Variants in ANKRD6 observed in about 807,000 individuals in gnomAD.
ANKRD6 encodes ankyrin repeat domain-containing protein 6.
A neutral mutation model predicts 82.3 loss-of-function variants in ANKRD6; 56 were observed. The ratio of observed to expected loss-of-function variants is 0.68; its 90% CI spans 0.55 to 0.85. The LOEUF (loss-of-function observed/expected upper bound fraction) is 0.85, where lower values mean the gene tolerates loss of function less well. Ranked by LOEUF, ANKRD6 falls within the 40% of genes least tolerant of loss-of-function variation. ANKRD6 has a pLI of 0.00. For missense variants in ANKRD6, 852 were observed against 907.6 expected, an observed-to-expected ratio of 0.94 and a Z score of 0.79; for synonymous variants, 347 against 352.1, an observed-to-expected ratio of 0.99 and a Z score of 0.16.
Position 89,630,494 on chromosome 6 carries a change from G to A in ANKRD6, c.1674G>A (p.Val558=). 6.2e-7 allele frequency: 1 copy of A among 1,614,012 alleles called. No homozygotes were observed. The highest frequency in any genetic ancestry group is 8.5e-7 in the Non-Finnish European group (1 of 1,179,872). ...CAGCTTCCGACAGCTCCCCTCCAGT[G>A]GTTAGGCCCAAAGAGAAGGCCCTCA... is the stretch of plus-strand genomic sequence containing the variant. ...PAAASDSSPP[V]VRPKEKALNS... is the part of the protein sequence containing the mutation. The change falls in exon 16 of 16, where the codon GTG becomes GTA. Residue 558 remains valine (V), a synonymous_variant. Transcript: ENST00000339746.
Position 89,623,907 on chromosome 6 carries a change from CCAA to C in ANKRD6, c.1071_1073del (p.Gln358del). ...TTTCTGACCCCACCCCACCAGCCGA[CCAA>C]CAGCCTGGACACCAGAAGAACCTGC... On this transcript the variant is annotated inframe_deletion, in exon 12 of 16. Coordinates refer to ENST00000339746, the MANE Select transcript of ANKRD6 (RefSeq NM_001242809.2). 1 of 1,613,818 alleles carries C rather than the reference CCAA, an allele frequency of 6.2e-7. No individual in the cohort carries two copies. The highest frequency in any genetic ancestry group is 8.5e-7 in the Non-Finnish European group (1 of 1,179,822).
intron 1 of ANKRD6, among the ~76,000 whole-genome samples, chr6:89,560,454 C>T (rs1165671153): frequency 1.3e-5 from 2 of 152,208 alleles, no homozygotes; most frequent in African/African-American, 2.4e-5. Flanking sequence ...TTTCCAAATA[C>T]AGTCACACTG....
intron 2 of ANKRD6, among the ~76,000 whole-genome samples, chr6:89,586,175 G>C (rs1028250637): frequency 2.0e-5 from 3 of 152,136 alleles, no homozygotes; most frequent in Non-Finnish European, 4.4e-5. Context: ...AGTGTGATCA[G>C]GTGGGTTCCA....
chr6:89,556,536 A>G (rs1459907517), intron 1 of ANKRD6, among the ~76,000 whole-genome samples: 2 of 152,192 alleles, frequency 1.3e-5, no homozygotes, highest in African/African-American at 4.8e-5. Flanking sequence ...TTCCATATAT[A>G]AGCTGAAACC....
chr6:89,598,321 A>G (rs571561494), intron 3 of ANKRD6: 78 of 985,262 alleles, frequency 7.9e-5, no homozygotes, highest in Non-Finnish European at 9.3e-5. Context: ...CGCCTCAGAA[A>G]TAGTCCAGGA....
chr6:89,563,368 A>C (rs1460677571), intron 1 of ANKRD6, among the ~76,000 whole-genome samples: 1 of 152,198 alleles, frequency 6.6e-6, no homozygotes, highest in Admixed American at 6.5e-5. Context: ...TTGCATACTT[A>C]TGCTCATGTG....
chr6:89,596,631 AT>A (rs1454407777), intron 3 of ANKRD6, among the ~76,000 whole-genome samples: 1 of 152,136 alleles, frequency 6.6e-6, no homozygotes, highest in African/African-American at 2.4e-5. Context: ...GAGTCTATTC[AT>A]TCAGGTTATC....
At chr6:89,473,938 G>A (rs1775761081) in intron 1 of ANKRD6, among the ~76,000 whole-genome samples, 1 of 152,158 alleles carries the variant, frequency 6.6e-6, no homozygotes, top group South Asian at 2.1e-4. Flanking sequence ...CCAAGATCGT[G>A]CCACTGCACT....
At chr6:89,586,109 T>A (rs765466874) in intron 2 of ANKRD6, among the ~76,000 whole-genome samples, 16 of 152,354 alleles carry the variant, frequency 1.1e-4, no homozygotes, top group Non-Finnish European at 2.4e-4. Flanking sequence ...TGTTGATTTT[T>A]AAAATTCTTT....
chr6:89,494,833 T>C (rs1169716489), intron 1 of ANKRD6, among the ~76,000 whole-genome samples: 2 of 152,228 alleles, frequency 1.3e-5, no homozygotes, highest in Non-Finnish European at 2.9e-5. Context: ...CAAGGACTGA[T>C]GTTAGGAAAC....
intron 1 of ANKRD6, among the ~76,000 whole-genome samples, chr6:89,547,101 C>T (rs1785192132): frequency 6.6e-6 from 1 of 152,142 alleles, no homozygotes; most frequent in South Asian, 2.1e-4. Flanking sequence ...GCTGGGATTA[C>T]AGGTGCATAC....
intron 1 of ANKRD6, among the ~76,000 whole-genome samples, chr6:89,563,601 G>A (rs999877812): frequency 1.9e-4 from 29 of 152,296 alleles, no homozygotes; most frequent in African/African-American, 7.0e-4. Context: ...TACAGCCAAG[G>A]TAGCCAACAG....
At chr6:89,595,261 G>A (rs572100127) in intron 2 of ANKRD6, among the ~76,000 whole-genome samples, 25 of 152,304 alleles carry the variant, frequency 1.6e-4, no homozygotes, top group Middle Eastern at 3.4e-3. Flanking sequence ...TACTCGGGAG[G>A]CTGAGGCAGG....
intron 1 of ANKRD6, among the ~76,000 whole-genome samples, chr6:89,540,417 T>C (rs1244657768): frequency 6.6e-6 from 1 of 152,234 alleles, no homozygotes; most frequent in Non-Finnish European, 1.5e-5. Context: ...GTCATTTGTA[T>C]GTCTTCTTTT....
chr6:89,515,413 A>C (rs1329630174), intron 1 of ANKRD6, among the ~76,000 whole-genome samples: 1 of 152,166 alleles, frequency 6.6e-6, no homozygotes, highest in African/African-American at 2.4e-5. Context: ...TCTTGCAAGG[A>C]CTTGGGTCTT....
intron 1 of ANKRD6, among the ~76,000 whole-genome samples, chr6:89,536,458 A>G (rs1450122705): frequency 6.6e-6 from 1 of 152,242 alleles, no homozygotes; most frequent in Non-Finnish European, 1.5e-5. Context: ...GTGTGCTGCC[A>G]TGAACTCAAC....
chr6:89,497,953 A>G (rs1778831955), intron 1 of ANKRD6, among the ~76,000 whole-genome samples: 1 of 152,232 alleles, frequency 6.6e-6, no homozygotes, highest in African/African-American at 2.4e-5. Flanking sequence ...GACATTACAT[A>G]TAAATAGAAT....
chr6:89,529,776 T>C (rs981716046), intron 1 of ANKRD6, among the ~76,000 whole-genome samples: 2 of 152,076 alleles, frequency 1.3e-5, no homozygotes, highest in African/African-American at 4.8e-5. Context: ...TCTCAGCAAA[T>C]AGGGAGGCCC....
At chr6:89,603,390 G>A (rs1434421507) in intron 4 of ANKRD6, among the ~76,000 whole-genome samples, 1 of 138,132 alleles carries the variant, frequency 7.2e-6, no homozygotes, top group African/African-American at 2.8e-5. Flanking sequence ...GCAATGGCAT[G>A]ATCATAGCTC....
Sources: allele counts gnomAD v4.1 joint callset (sites outside exome capture counted in the v4.1 genomes callset), GRCh38; gene constraint gnomAD v4.1.1; transcripts MANE v1.5; gene names NCBI Gene and HGNC (gene_info 2026-07-23, HGNC 2026-07-21).